The following EXOC4 variants were observed in gnomAD, a reference collection of about 807,000 sequenced individuals.
The protein encoded by EXOC4 is SEC8-like 1.
A neutral mutation model predicts 107.2 loss-of-function variants in EXOC4; 71 were observed. That is an observed-to-expected ratio of 0.66 (90% CI 0.55 to 0.81). The LOEUF (loss-of-function observed/expected upper bound fraction) is 0.81. Among genes scored for constraint, EXOC4 ranks in the 30% least tolerant of loss-of-function variants. The pLI is 0.00. For missense variants in EXOC4, 1,108 were observed against 1,189.6 expected (o/e 0.93, Z 1.01); for synonymous variants, 456 against 441.2 (o/e 1.03, Z -0.42).
intron 9 of EXOC4, among the ~76,000 whole-genome samples, chr7:133,556,626 T>C (rs1584995971): frequency 1.4e-5 from 2 of 145,672 alleles, no homozygotes; most frequent in East Asian, 4.2e-4. Context: ...GATAAACATT[T>C]CTGCTTAGTT....
At chr7:133,683,179 C>A (rs1009169694) in intron 10 of EXOC4, among the ~76,000 whole-genome samples, 1 of 152,192 alleles carries the variant, frequency 6.6e-6, no homozygotes, top group Non-Finnish European at 1.5e-5. Context: ...ATAGCTCATT[C>A]TAGCTGACAC....
chr7:133,619,877 A>G (rs1311480495), intron 9 of EXOC4, among the ~76,000 whole-genome samples: 1 of 152,106 alleles, frequency 6.6e-6, no homozygotes, highest in East Asian at 1.9e-4. Flanking sequence ...TGATTCTTTG[A>G]CATACACAAG....
intron 1 of EXOC4, among the ~76,000 whole-genome samples, chr7:133,265,058 GAA>G (rs1443589718): frequency 3.3e-5 from 5 of 152,154 alleles, no homozygotes; most frequent in Non-Finnish European, 7.3e-5. Context: ...GTTTGGGAAA[GAA>G]AACAGGATTT....
intron 10 of EXOC4, among the ~76,000 whole-genome samples, chr7:133,643,877 G>A (rs1480542601): frequency 6.6e-6 from 1 of 152,192 alleles, no homozygotes; most frequent in Non-Finnish European, 1.5e-5. Context: ...GTCATGGCTG[G>A]TATTGATGAC....
chr7:133,853,855 G>A (rs113634307), intron 11 of EXOC4, among the ~76,000 whole-genome samples: 57 of 152,290 alleles, frequency 3.7e-4, no homozygotes, highest in African/African-American at 1.2e-3. Flanking sequence ...CCTGTAAGCC[G>A]AGCAGCCTGT....
In EXOC4 at chr7:133,917,750, A is replaced by G; in HGVS notation, c.2027+12A>G. On this transcript the variant is annotated intron_variant, in intron 13 of 17. Transcript: ENST00000253861. ...GAAGATTTCATAAGGTAAAAGGTCCATTTTCTAAGTTGTCCTAAACATAGG... is the reference window on the plus strand; with the variant it reads ...GAAGATTTCATAAGGTAAAAGGTCCGTTTTCTAAGTTGTCCTAAACATAGG... 1 of 1,613,004 alleles carries G rather than the reference A, an allele frequency of 6.2e-7. No homozygotes were observed. Among genetic ancestry groups the G allele is most frequent in the Non-Finnish European group, 8.5e-7 (1 of 1,179,484 alleles).
chr7:133,804,159 C>T (rs554364677), intron 10 of EXOC4, among the ~76,000 whole-genome samples: 3 of 152,040 alleles, frequency 2.0e-5, no homozygotes, highest in South Asian at 2.1e-4. Flanking sequence ...TTGTGAATAC[C>T]GTTGCAAGAT....
At chr7:133,978,576 A>T (rs1003238460) in intron 14 of EXOC4, among the ~76,000 whole-genome samples, 4 of 152,250 alleles carry the variant, frequency 2.6e-5, no homozygotes. Flanking sequence ...TAATGTAGGG[A>T]ATACGATGTT....
intron 7 of EXOC4, among the ~76,000 whole-genome samples, chr7:133,425,401 C>T (rs1174546684): frequency 6.6e-6 from 1 of 152,150 alleles, no homozygotes. Context: ...ATTCTGCTGT[C>T]TCAGTCTCCT....
chr7:133,739,309 G>T (rs770816647), intron 10 of EXOC4, among the ~76,000 whole-genome samples: 2 of 151,402 alleles, frequency 1.3e-5, no homozygotes, highest in Admixed American at 6.6e-5. Context: ...TTAATTGTGG[G>T]ATCTGGCTAA....
chr7:134,025,057 TCTCC>T (rs2116444836), intron 17 of EXOC4, among the ~76,000 whole-genome samples: 1 of 152,274 alleles, frequency 6.6e-6, no homozygotes, highest in East Asian at 1.9e-4. Flanking sequence ...CAAGTCTCAT[TCTCC>T]AGCCTTCCTG....
chr7:133,836,675 GT>G (rs991630532), intron 11 of EXOC4, among the ~76,000 whole-genome samples: 8 of 151,200 alleles, frequency 5.3e-5, no homozygotes, highest in Admixed American at 2.0e-4. Flanking sequence ...ATTTCAGAGT[GT>G]TTTTTTTTCC....
chr7:133,370,081 T>C (rs954377388), intron 6 of EXOC4, among the ~76,000 whole-genome samples: 13 of 152,004 alleles, frequency 8.6e-5, no homozygotes, highest in Non-Finnish European at 1.8e-4. Flanking sequence ...CGTGAGCCAC[T>C]GTGCCTGGCC....
chr7:133,319,972 A>G (rs561449454), intron 5 of EXOC4, among the ~76,000 whole-genome samples: 3 of 151,844 alleles, frequency 2.0e-5, no homozygotes, highest in South Asian at 2.1e-4. Context: ...AGTGCTTTAC[A>G]TGAATTAACT....
chr7:134,083,913 TCTC>T, the EXOC4 span, among the ~76,000 whole-genome samples: 2 of 152,194 alleles, frequency 1.3e-5, no homozygotes, highest in Non-Finnish European at 2.9e-5. Context: ...TCCAAGTTGT[TCTC>T]CTTCTGCTCC....
intron 7 of EXOC4, among the ~76,000 whole-genome samples, chr7:133,449,721 T>TTGTGTGTGTGTGTGTG (rs58843853): frequency 7.2e-4 from 107 of 147,998 alleles, no homozygotes; most frequent in Middle Eastern, 3.4e-3. Flanking sequence ...GAAAATACAT[T>TTGTGTGTGTGTGTGTG]TGTGTGTGTG....
chr7:133,901,825 C>T (rs1427978314), intron 12 of EXOC4, among the ~76,000 whole-genome samples: 1 of 152,134 alleles, frequency 6.6e-6, no homozygotes, highest in South Asian at 2.1e-4. Context: ...AACCCTTCCT[C>T]ATGTTGGCAT....
intron 14 of EXOC4, among the ~76,000 whole-genome samples, chr7:133,967,959 A>C (rs1311826701): frequency 1.3e-5 from 2 of 152,080 alleles, no homozygotes. Flanking sequence ...ATTGTGTGGG[A>C]GTCTAAGTCC....
intron 10 of EXOC4, among the ~76,000 whole-genome samples, chr7:133,783,311 T>A (rs1796504846): frequency 6.6e-6 from 1 of 152,186 alleles, no homozygotes; most frequent in East Asian, 1.9e-4. Flanking sequence ...CCAGCTGTAG[T>A]TGGACATGTC....
Sources: allele counts gnomAD v4.1 joint callset (sites outside exome capture counted in the v4.1 genomes callset), GRCh38; gene constraint gnomAD v4.1.1; transcripts MANE v1.5; gene names NCBI Gene and HGNC (gene_info 2026-07-23, HGNC 2026-07-21).